Variants in ESR1 observed in about 807,000 individuals in gnomAD.
The protein encoded by ESR1 is estrogen receptor 1, also known as estrogen receptor.
ESR1 carries 12 observed loss-of-function variants against 52.7 expected under a neutral mutation model. The observed-to-expected ratio is 0.23, with a 90% CI of 0.15 to 0.37. ESR1 has a LOEUF of 0.37. Ranked by LOEUF, ESR1 falls within the 10% of genes least tolerant of loss-of-function variation. The pLI is 1.00. For missense variants in ESR1, 584 were observed against 779.7 expected (o/e 0.75, Z 2.99); for synonymous variants, 305 against 316.8 (o/e 0.96, Z 0.39).
intron 3 of ESR1, among the ~76,000 whole-genome samples, chr6:151,901,197 C>T (rs1278986840): frequency 6.6e-6 from 1 of 152,134 alleles, no homozygotes; most frequent in Non-Finnish European, 1.5e-5. Context: ...GCCTCTGCTG[C>T]GTCATGCAGG....
chr6:151,704,311 C>T (rs1780017203), intron 2 of ESR1, among the ~76,000 whole-genome samples: 2 of 152,190 alleles, frequency 1.3e-5, no homozygotes, highest in South Asian at 4.1e-4. Flanking sequence ...GATCTTGGCT[C>T]ACTGCAACCT....
intron 5 of ESR1, among the ~76,000 whole-genome samples, chr6:152,048,997 C>T (rs2046453842): frequency 6.6e-6 from 1 of 152,184 alleles, no homozygotes; most frequent in South Asian, 2.1e-4. Flanking sequence ...AGGTATTCTT[C>T]CCTGTGGTAC....
intron 4 of ESR1, among the ~76,000 whole-genome samples, chr6:151,973,964 C>T (rs2039175911): frequency 6.6e-6 from 1 of 152,026 alleles, no homozygotes; most frequent in Admixed American, 6.6e-5. Flanking sequence ...CTGTAAAGGC[C>T]AGGTAGTTAG....
chr6:151,765,341 A>T (rs1013697307), intron 2 of ESR1, among the ~76,000 whole-genome samples: 1 of 152,258 alleles, frequency 6.6e-6, no homozygotes, highest in African/African-American at 2.4e-5. Flanking sequence ...TGAATTGAGT[A>T]TCAGTTTTAA....
At chr6:151,676,004 G>C (rs1426920308) in intron 1 of ESR1, among the ~76,000 whole-genome samples, 1 of 152,210 alleles carries the variant, frequency 6.6e-6, no homozygotes, top group African/African-American at 2.4e-5. Context: ...AATGAGTTAC[G>C]AGGTAGAGTC....
chr6:151,724,396 T>C (rs1331153480), intron 2 of ESR1, among the ~76,000 whole-genome samples: 2 of 152,008 alleles, frequency 1.3e-5, no homozygotes, highest in Non-Finnish European at 2.9e-5. Context: ...TGGAGGGGTG[T>C]TGTCTGAGGA....
intron 6 of ESR1, among the ~76,000 whole-genome samples, chr6:152,121,418 G>A (rs922582913): frequency 6.6e-6 from 1 of 152,162 alleles, no homozygotes; most frequent in Non-Finnish European, 1.5e-5. Flanking sequence ...TGTGCAAAAG[G>A]AATGGAGAAT....
chr6:151,840,943 T>C (rs1002669337), intron 1 of ESR1, among the ~76,000 whole-genome samples: 61 of 152,164 alleles, frequency 4.0e-4, no homozygotes, highest in African/African-American at 1.4e-3. Flanking sequence ...TTTATTTGAT[T>C]GCACATGCCT....
At chr6:151,683,858 C>G (rs2115307620) in intron 1 of ESR1, among the ~76,000 whole-genome samples, 1 of 141,480 alleles carries the variant, frequency 7.1e-6, no homozygotes, top group African/African-American at 2.8e-5. Context: ...GCCACCACGT[C>G]TGGCTATTTT....
intron 6 of ESR1, among the ~76,000 whole-genome samples, chr6:152,115,235 C>T (rs892901151): frequency 9.9e-5 from 15 of 152,086 alleles, no homozygotes; most frequent in African/African-American, 3.6e-4. Flanking sequence ...TTTCCCTAAT[C>T]AATACATATA....
chr6:152,037,514 C>G (rs996622519), intron 5 of ESR1, among the ~76,000 whole-genome samples: 3 of 152,178 alleles, frequency 2.0e-5, no homozygotes, highest in African/African-American at 7.2e-5. Context: ...TCAGTTTCTA[C>G]TAAGCATTTA....
intron 6 of ESR1, among the ~76,000 whole-genome samples, chr6:152,082,943 A>G (rs1484036110): frequency 2.0e-5 from 3 of 152,208 alleles, no homozygotes; most frequent in South Asian, 4.1e-4. Context: ...ACTACAAACC[A>G]CTGCTCAACG....
chr6:152,009,704 C>T (rs2042611694), intron 4 of ESR1, among the ~76,000 whole-genome samples: 1 of 152,114 alleles, frequency 6.6e-6, no homozygotes, highest in South Asian at 2.1e-4. Context: ...ACCTGGCATG[C>T]TATATACAGA....
intron 4 of ESR1, among the ~76,000 whole-genome samples, chr6:151,973,984 C>T (rs549067409): frequency 6.6e-6 from 1 of 152,254 alleles, no homozygotes; most frequent in East Asian, 1.9e-4. Context: ...GTATTTTAGC[C>T]TTTGTGAGTA....
At chr6:151,720,256 C>T (rs1781363074) in intron 2 of ESR1, among the ~76,000 whole-genome samples, 1 of 152,146 alleles carries the variant, frequency 6.6e-6, no homozygotes, top group Non-Finnish European at 1.5e-5. Context: ...AAACAAGTAT[C>T]ATTAACTTCA....
intron 5 of ESR1, among the ~76,000 whole-genome samples, chr6:152,018,108 T>C (rs977635612): frequency 2.6e-5 from 4 of 152,126 alleles, no homozygotes; most frequent in Admixed American, 2.6e-4. Context: ...CTTTTACTTG[T>C]AGGCATAAAA....
chr6:152,032,196 C>A (rs2044778694), intron 5 of ESR1, among the ~76,000 whole-genome samples: 1 of 152,158 alleles, frequency 6.6e-6, no homozygotes, highest in Non-Finnish European at 1.5e-5. Flanking sequence ...ACTGAATGGA[C>A]AAAACCTGGG....
At chr6:151,817,124 A>G (rs1381796141) in intron 1 of ESR1, among the ~76,000 whole-genome samples, 1 of 152,336 alleles carries the variant, frequency 6.6e-6, no homozygotes, top group African/African-American at 2.4e-5. Flanking sequence ...GGGAGCATCT[A>G]CAAGGACGTC....
intron 2 of ESR1, among the ~76,000 whole-genome samples, chr6:151,793,027 C>T (rs1562410224): frequency 6.6e-6 from 1 of 151,884 alleles, no homozygotes; most frequent in African/African-American, 2.4e-5. Context: ...AAAAATTAGC[C>T]GGGCATGGTG....
Sources: allele counts gnomAD v4.1 joint callset (sites outside exome capture counted in the v4.1 genomes callset), GRCh38; gene constraint gnomAD v4.1.1; transcripts MANE v1.5; gene names NCBI Gene and HGNC (gene_info 2026-07-23, HGNC 2026-07-21).